Variants in DUOXA1 observed in about 807,000 individuals in gnomAD.
The protein encoded by DUOXA1 is dual oxidase activator 1.
A neutral mutation model predicts 26.6 loss-of-function variants in DUOXA1; 19 were observed. That is an observed-to-expected ratio of 0.71 (90% CI 0.50 to 1.05). The LOEUF is 1.05. Among genes scored for constraint, DUOXA1 ranks in the 50% least tolerant of loss-of-function variants. The pLI is 0.00. For synonymous variants in DUOXA1, 166 were observed against 177.0 expected, an observed-to-expected ratio of 0.94 and a Z score of 0.49; for missense variants, 403 against 427.5, an observed-to-expected ratio of 0.94 and a Z score of 0.51.
In DUOXA1 at chr15:45,118,099, T is replaced by C; in HGVS notation, c.*1007A>G. ...AAATAAACCTTTTTTTCTTTTGTTTTTTAAAAACTGTTTTTCCCATTAATT... is the reference window on the plus strand; with the variant it reads ...AAATAAACCTTTTTTTCTTTTGTTTCTTAAAAACTGTTTTTCCCATTAATT... On this transcript the variant is annotated 3_prime_UTR_variant, in exon 9 of 9. Coordinates refer to ENST00000560572, the MANE Select transcript of DUOXA1 (RefSeq NM_001276266.2). 2 of 1,504,050 alleles carry C rather than the reference T, an allele frequency of 1.3e-6. No homozygotes were observed. The highest frequency in any genetic ancestry group is 1.8e-6 in the Non-Finnish European group (2 of 1,130,602). 93.2% of individuals were successfully genotyped at this position (1,504,050 alleles called of 1,614,324 possible).
Position 45,120,748 on chromosome 15 carries a change from C to A in DUOXA1, c.398G>T (p.Arg133Leu), listed in dbSNP as rs75981505. Residue 133 changes from arginine to leucine, a missense_variant, in exon 7 of 9, where the codon CGC becomes CTC. Physicochemically the swap from Arg to Leu is moderately radical, Grantham distance 102 (BLOSUM62 -2). Coordinates refer to ENST00000560572, the MANE Select transcript of DUOXA1 (RefSeq NM_001276266.2). ...TINYNEEFTW[R>L]LGENYAEEYA... ...CTCCTCAGCATAGTTCTCACCCAGG[C>A]GCCAGGTGAACTCCTCGTTGTAATT... 1.6e-3 allele frequency: 2,507 copies of A among 1,614,080 alleles called. 63 individuals carry two copies. The East Asian group carries it at 0.051, about 33-fold the overall frequency.
At chr15:45,127,700 C>T (rs1444384315) in intron 3 of DUOXA1, among the ~76,000 whole-genome samples, 1 of 152,158 alleles carries the variant, frequency 6.6e-6, no homozygotes, top group East Asian at 1.9e-4. Flanking sequence ...GCTTGTGTTT[C>T]CCTGGGGAAC....
At chr15:45,124,414 T>A (rs1469868128) in intron 3 of DUOXA1, among the ~76,000 whole-genome samples, 2 of 152,178 alleles carry the variant, frequency 1.3e-5, no homozygotes, top group Non-Finnish European at 2.9e-5. Context: ...ATTTTGTTAC[T>A]CCATTTATCT....
In DUOXA1 at chr15:45,120,794, G is replaced by A. The variant is rs1013510236; in HGVS notation, c.352C>T (p.Gln118Ter). 12 of 1,614,100 alleles carry A rather than the reference G, an allele frequency of 7.4e-6. No homozygotes were observed. The highest frequency in any genetic ancestry group is 9.3e-6 in the Non-Finnish European group (11 of 1,180,008). ...TAATTGATGGTCTCATTCAGCTGCT[G>A]CACGGGGGTCCCTAGGGCACAAGGC... ...VNITLTGTPV[Q>*]QLNETINYNE... The change falls in exon 7 of 9, where the codon CAG (glutamine) becomes TAG (stop). Residue 118 changes from glutamine (Q) to a stop codon, truncating the protein, a stop_gained. Coordinates refer to ENST00000560572, the MANE Select transcript of DUOXA1 (RefSeq NM_001276266.2). LOFTEE classifies it high-confidence loss of function.
At chr15:45,122,366 G>A (rs1798653191) in intron 4 of DUOXA1, 124 bp from the exon 5 acceptor site, 3 of 907,402 alleles carry the variant, frequency 3.3e-6, no homozygotes, top group Non-Finnish European at 5.3e-6. Flanking sequence ...ATTGAAATCA[G>A]AGTGTCTGGC....
chr15:45,117,449 G>T lies in DUOXA1; in HGVS notation c.*1657C>A. 1.9e-6 allele frequency: 3 copies of T among 1,541,580 alleles called. No homozygotes were observed. In the South Asian group the frequency reaches 3.6e-5, roughly 19 times the overall value. Reference sequence around the variant, plus strand: ...AGTTCGCAGAAACAGGCACTGTTATGACCATTTTACAGATGAAAAGTGGGG... The same window carrying T: ...AGTTCGCAGAAACAGGCACTGTTATTACCATTTTACAGATGAAAAGTGGGG... On this transcript the variant is annotated 3_prime_UTR_variant, in exon 9 of 9. Transcript: ENST00000560572.
At chr15:45,120,545 G>C (rs772455041) in intron 7 of DUOXA1, 47 bp downstream of exon 7, 2 of 1,597,120 alleles carry the variant, frequency 1.3e-6, no homozygotes, top group South Asian at 2.2e-5. Flanking sequence ...CCCTGTTCCT[G>C]AATCTAGGCT....
At chr15:45,120,465 C>T in intron 7 of DUOXA1, 127 bp downstream of exon 7, 1 of 1,430,712 alleles carries the variant, frequency 7.0e-7, no homozygotes, top group Non-Finnish European at 9.8e-7. Context: ...CCCAAGCCAG[C>T]ACCATGGGGA....
At chr15:45,124,043 GAA>G (rs11285648) in intron 3 of DUOXA1, among the ~76,000 whole-genome samples, 7,189 of 146,366 alleles carry the variant, frequency 0.049, 375 homozygotes, top group African/African-American at 0.13. Flanking sequence ...GTCAGAATGT[GAA>G]AAAAAAAAAA....
chr15:45,122,753 C>G lies in DUOXA1; in HGVS notation c.147+115G>C, dbSNP rs955649518. The G allele has an allele frequency of 1.6e-5, 22 of 1,336,726 alleles. No individual in the cohort carries two copies. In the African/African-American group the frequency reaches 2.1e-4, roughly 13 times the overall value. The allele number at this position is 1,336,726 out of a possible 1,614,324, so 82.8% of individuals were successfully genotyped here. A position where few individuals can be genotyped will look rare whatever the true frequency, so the allele number is the denominator to read the frequency against. Reference sequence around the variant, plus strand: ...GCTTTCTGCCTGGGGTCGTGGCTATCTTTTCTCCGCACTGGGGTCTCCTTC... The same window carrying G: ...GCTTTCTGCCTGGGGTCGTGGCTATGTTTTCTCCGCACTGGGGTCTCCTTC... On this transcript the variant is annotated intron_variant, in intron 4 of 8. Coordinates refer to ENST00000560572, the MANE Select transcript of DUOXA1 (RefSeq NM_001276266.2).
Position 45,122,972 on chromosome 15 carries a change from T to C in DUOXA1, c.43A>G (p.Lys15Glu). ...GTGGTGTCCATCGGGAAGGTTGGCT[T>C]GGGGCCAGCATAGAAGGGGAATGTG... ...GHTFPFYAGP[K>E]PTFPMDTTLA... is the part of the protein sequence containing the mutation. The change falls in exon 4 of 9, where the codon AAG (lysine) becomes GAG (glutamate). Residue 15 changes from lysine (K) to glutamate (E), a missense_variant. Coordinates refer to ENST00000560572, the MANE Select transcript of DUOXA1 (RefSeq NM_001276266.2). 4.3e-6 allele frequency: 7 copies of C among 1,613,344 alleles called. No homozygotes were observed. The highest frequency in any genetic ancestry group is 1.3e-5 in the African/African-American group (1 of 74,972).
chr15:45,125,145 G>A (rs770659132), intron 3 of DUOXA1, among the ~76,000 whole-genome samples: 9 of 152,132 alleles, frequency 5.9e-5, no homozygotes, highest in Admixed American at 1.3e-4. Flanking sequence ...CTTAATCCCT[G>A]AGTGTCAGTT....
intron 5 of DUOXA1, among the ~76,000 whole-genome samples, chr15:45,121,893 C>A (rs1276398826): frequency 6.6e-6 from 1 of 152,206 alleles, no homozygotes; most frequent in African/African-American, 2.4e-5. Flanking sequence ...TCCTCCCTTC[C>A]TTTCTGGGGC....
Position 45,129,302 on chromosome 15 carries a change from G to C in DUOXA1, c.-147+158C>G, listed in dbSNP as rs902762023. 2.0e-5 allele frequency: 3 copies of C among 152,604 alleles called. No homozygotes were observed. The highest frequency in any genetic ancestry group is 4.4e-5 in the Non-Finnish European group (3 of 68,408). The allele number at this position is 152,604 out of a possible 1,614,324, so 9.5% of individuals were successfully genotyped here. ...TCTCAGACTGCACCCGAGGCTCTGC[G>C]GCGCCGCCTCCCTCTCCCGGCCTGG... On this transcript the variant is annotated intron_variant, in intron 2 of 8. Coordinates refer to ENST00000560572, the MANE Select transcript of DUOXA1 (RefSeq NM_001276266.2). This position sits in a 1 kb window ranked among gnomAD's most constrained non-coding sequence, Gnocchi z 4.1.
rs1216019779 is a variant in DUOXA1, at chr15:45,121,162, C to G, written c.265G>C (p.Ala89Pro). 1 of 1,614,154 alleles carries G rather than the reference C, an allele frequency of 6.2e-7. No homozygotes were observed. The highest frequency in any genetic ancestry group is 1.1e-5 in the South Asian group (1 of 91,080). The change falls in exon 6 of 9, where the codon GCC (alanine) becomes CCC (proline). Residue 89 changes from alanine to proline, a missense_variant. Coordinates refer to ENST00000560572, the MANE Select transcript of DUOXA1 (RefSeq NM_001276266.2). ...GQVSTNTSYK[A>P]FSSEWISADI... ...GCGCTGATCCACTCAGAACTGAAGGCCTTGTATGATGTGTTGGTGCTGACC... is the reference window on the plus strand; with the variant it reads ...GCGCTGATCCACTCAGAACTGAAGGGCTTGTATGATGTGTTGGTGCTGACC...
Position 45,118,363 on chromosome 15 carries a change from C to A in DUOXA1, c.*743G>T. 8.8e-7 allele frequency: 1 copy of A among 1,141,098 alleles called. No individual in the cohort carries two copies. The highest frequency in any genetic ancestry group is 4.8e-5 in the East Asian group (1 of 20,794). 70.7% of individuals were successfully genotyped at this position (1,141,098 alleles called of 1,614,324 possible). A position where few individuals can be genotyped will look rare whatever the true frequency, so the allele number is the denominator to read the frequency against. ...GTCACCCACTCCCCCGTCCTGGATG[C>A]CACTCAGCTAGCCCAGCTGAGTGGG... On this transcript the variant is annotated 3_prime_UTR_variant, in exon 9 of 9. Transcript: ENST00000560572.
chr15:45,119,366 C>A lies in DUOXA1; in HGVS notation c.773-1G>T. ...AGGCCCAGCAGCACACACAGCAGTCCTGGAGATGAGGGCAACAATTGTCCC... is the reference window on the plus strand; with the variant it reads ...AGGCCCAGCAGCACACACAGCAGTCATGGAGATGAGGGCAACAATTGTCCC... On this transcript the variant is annotated splice_acceptor_variant, in intron 8 of 8. Transcript: ENST00000560572. LOFTEE classifies it high-confidence loss of function. 6.2e-7 allele frequency: 1 copy of A among 1,604,550 alleles called. No individual in the cohort carries two copies. Among genetic ancestry groups the A allele is most frequent in the Non-Finnish European group, 8.5e-7 (1 of 1,172,992 alleles).
chr15:45,122,158 C>G, intron 5 of DUOXA1, 27 bp downstream of exon 5: 9 of 1,581,838 alleles, frequency 5.7e-6, no homozygotes, highest in Non-Finnish European at 7.7e-6. Context: ...GAGGCAGCAG[C>G]CCAAGTCAGC....
rs1337734542 is a variant in DUOXA1 at position 45,119,326 on chromosome 15, G to A, written c.812C>T (p.Ala271Val). The A allele has an allele frequency of 6.2e-7, 1 of 1,613,260 alleles. No homozygotes were observed. Among genetic ancestry groups the A allele is most frequent in the African/African-American group, 1.3e-5 (1 of 74,910 alleles). The change falls in exon 9 of 9, where the codon GCC (alanine) becomes GTC (valine). Residue 271 changes from alanine (A) to valine (V), a missense_variant. Coordinates refer to ENST00000560572, the MANE Select transcript of DUOXA1 (RefSeq NM_001276266.2). ...CAGCCTGTGAGGCTGCATCCTGTGG[G>A]CCACCGCCATAGCCAGGCCCAGCAG... is the stretch of plus-strand genomic sequence containing the variant. ...CVLLGLAMAV[A>V]HRMQPHRLKA...
Sources: gnomAD v4.1 joint callset for allele counts (sites outside exome capture counted in the v4.1 genomes callset) on GRCh38, gnomAD v4.1.1 for gene constraint, Gnocchi (gnomAD v3.1) non-coding constraint, MANE v1.5 for transcripts, NCBI Gene and HGNC (gene_info 2026-07-23, HGNC 2026-07-21) for gene names.